CNTN4: variants seen among roughly 807,000 people sequenced by gnomAD.
CNTN4 encodes contactin 4.
CNTN4 carries 77 observed loss-of-function variants against 122.5 expected under a neutral mutation model. The observed-to-expected ratio is 0.63, with a 90% CI of 0.52 to 0.76. The LOEUF is 0.76. CNTN4 is among the 30% of genes least tolerant of loss of function. The probability of loss-of-function intolerance (pLI) is 0.00; values close to 1 mark genes in which losing one functional copy is unlikely to be tolerated. For synonymous variants in CNTN4, 512 were observed against 447.0 expected, an observed-to-expected ratio of 1.15 and a Z score of -1.83; for missense variants, 1,256 against 1,259.1, an observed-to-expected ratio of 1.00 and a Z score of 0.04.
intron 2 of CNTN4, among the ~76,000 whole-genome samples, chr3:2,293,647 T>C (rs1014806): frequency 0.37 from 56,622 of 152,062 alleles, 11,000 homozygotes; most frequent in East Asian, 0.58. Context: ...TTATTATTAC[T>C]AACAGGGTGC....
intron 3 of CNTN4, among the ~76,000 whole-genome samples, chr3:2,510,129 G>A (rs566122846): frequency 6.6e-6 from 1 of 152,192 alleles, no homozygotes; most frequent in African/African-American, 2.4e-5. Flanking sequence ...GCCCCTAAAG[G>A]TAACAAAGAC....
rs71621482 is a variant in CNTN4 at position 2,327,153 on chromosome 3, T to TTG, written c.-144-12011_-144-12010dup. Among the ~76,000 whole-genome samples, 298 of 114,112 alleles carry TTG rather than the reference T, an allele frequency of 2.6e-3. 3 individuals are homozygous for TTG. The highest frequency in any genetic ancestry group is 8.5e-3 in the African/African-American group (281 of 33,126). The allele number at this position is 114,112 out of a possible 152,430, so 74.9% of individuals were successfully genotyped here. A position where few individuals can be genotyped will look rare whatever the true frequency, so the allele number is the denominator to read the frequency against. The stretch of plus-strand genomic sequence containing the variant: ...AATAGATGTGTGTGTGTGTGTGTGT[T>TTG]TGTGTGTGTGTGTGTCTATAAAGTG... On this transcript the variant is annotated intron_variant, in intron 2 of 24. Transcript: ENST00000418658.
Position 3,030,818 on chromosome 3 carries a change from A to T in CNTN4, c.1663-37A>T, listed in dbSNP as rs190249161. 404 of 1,611,228 alleles carry T rather than the reference A, an allele frequency of 2.5e-4. No individual in the cohort carries two copies. In the African/African-American group the frequency reaches 4.0e-3, roughly 16 times the overall value. On this transcript the variant is annotated intron_variant, in intron 15 of 24. Coordinates refer to ENST00000418658, the MANE Select transcript of CNTN4 (RefSeq NM_175607.3). The stretch of plus-strand genomic sequence containing the variant: ...GTGATAATGATATTTAGAGCTCATT[A>T]AAAAGTAATTGCAGCCACTTTCCCC...
chr3:2,550,646 C>T (rs190754276), intron 3 of CNTN4, among the ~76,000 whole-genome samples: 51 of 152,286 alleles, frequency 3.3e-4, no homozygotes, highest in Non-Finnish European at 2.4e-4. Flanking sequence ...AAGACACATC[C>T]ACATGTATGC....
At chr3:2,744,006 C>T (rs529523026) in intron 5 of CNTN4, among the ~76,000 whole-genome samples, 2 of 152,166 alleles carry the variant, frequency 1.3e-5, no homozygotes, top group East Asian at 1.9e-4. Flanking sequence ...GTGGAGGCAG[C>T]GTTGTGCCAT....
chr3:2,473,752 A>T (rs2075760833), intron 3 of CNTN4, among the ~76,000 whole-genome samples: 1 of 151,834 alleles, frequency 6.6e-6, no homozygotes, highest in African/African-American at 2.4e-5. Context: ...GTGGCTCATG[A>T]CTGTAATCCC....
chr3:2,918,742 G>A (rs1012585717), intron 12 of CNTN4, among the ~76,000 whole-genome samples: 2 of 152,186 alleles, frequency 1.3e-5, no homozygotes, highest in Admixed American at 1.3e-4. Flanking sequence ...AGTATAAACA[G>A]CCCATGTGGT....
intron 4 of CNTN4, among the ~76,000 whole-genome samples, chr3:2,623,706 A>G (rs2082076265): frequency 6.6e-6 from 1 of 152,198 alleles, no homozygotes; most frequent in Non-Finnish European, 1.5e-5. Flanking sequence ...GCTTGGATGC[A>G]TCATAGGGCT....
At position 3,057,849 on chromosome 3, in the gene CNTN4, A is replaced by T. The variant is rs183752330; in HGVS notation, c.*1629A>T. The T allele has an allele frequency of 1.3e-5, 2 of 152,772 alleles. No homozygotes were observed. The highest frequency in any genetic ancestry group is 6.5e-5 in the Admixed American group (1 of 15,302). 9.5% of individuals were successfully genotyped at this position (152,772 alleles called of 1,614,324 possible). On this transcript the variant is annotated 3_prime_UTR_variant, in exon 25 of 25. Transcript: ENST00000418658. ...AGCAAAATAATAAAATGAACGAAAA[A>T]AAATGACACCCAGGGAGTTCCCAAC... is the stretch of plus-strand genomic sequence containing the variant.
intron 2 of CNTN4, among the ~76,000 whole-genome samples, chr3:2,126,942 T>G (rs1574891046): frequency 6.6e-6 from 1 of 152,176 alleles, no homozygotes; most frequent in African/African-American, 2.4e-5. Flanking sequence ...AGATGGAGGG[T>G]GGTTCGAAAC....
At chr3:2,324,030 C>G (rs748472527) in intron 2 of CNTN4, among the ~76,000 whole-genome samples, 7 of 152,166 alleles carry the variant, frequency 4.6e-5, no homozygotes, top group African/African-American at 2.4e-5. Flanking sequence ...ATGGGGAGCT[C>G]TCCTGTTCAT....
intron 6 of CNTN4, among the ~76,000 whole-genome samples, chr3:2,800,662 G>A (rs2092325840): frequency 2.0e-5 from 3 of 152,278 alleles, no homozygotes; most frequent in African/African-American, 7.2e-5. Context: ...TCAGAAACCT[G>A]CAGTGGCTTC....
chr3:2,542,271 T>C (rs2078062149), intron 3 of CNTN4, among the ~76,000 whole-genome samples: 1 of 152,144 alleles, frequency 6.6e-6, no homozygotes, highest in African/African-American at 2.4e-5. Context: ...CCTGGATAAA[T>C]AAGAAGCCTG....
chr3:2,484,399 G>A (rs186936844), intron 3 of CNTN4, among the ~76,000 whole-genome samples: 108 of 152,288 alleles, frequency 7.1e-4, no homozygotes, highest in African/African-American at 2.5e-3. Flanking sequence ...GCATGAAGAG[G>A]AACTGCAAAT....
intron 2 of CNTN4, among the ~76,000 whole-genome samples, chr3:2,113,338 C>G (rs1018629753): frequency 3.9e-5 from 6 of 152,124 alleles, no homozygotes; most frequent in African/African-American, 1.4e-4. Context: ...AGTACATGAT[C>G]TATAGTTCAG....
At position 2,916,502 on chromosome 3, in the gene CNTN4, A is replaced by T. The variant is rs576609570; in HGVS notation, c.1208-9127A>T. On this transcript the variant is annotated intron_variant, in intron 12 of 24. Transcript: ENST00000418658. ...TGAGTGGACACAACACATGTTTCAG[A>T]GAGCACGGGGTTGGGGGTAAGGCCA... is the stretch of plus-strand genomic sequence containing the variant. 8.8e-5 allele frequency among the ~76,000 whole-genome samples: 13 copies of T among 147,940 alleles called. No individual in the cohort carries two copies. The East Asian group carries it at 2.6e-3, about 30-fold the overall frequency.
intron 24 of CNTN4, among the ~76,000 whole-genome samples, chr3:3,054,859 G>A (rs780967097): frequency 6.6e-6 from 1 of 152,064 alleles, no homozygotes; most frequent in Non-Finnish European, 1.5e-5. Flanking sequence ...GTATTTTACA[G>A]CAATAAAAAA....
Position 2,178,450 on chromosome 3 carries a change from T to C in CNTN4, c.-145+77811T>C, listed in dbSNP as rs913696304. Among the ~76,000 whole-genome samples the C allele has an allele frequency of 1.1e-4, 16 of 147,758 alleles. No individual in the cohort carries two copies. In the Admixed American group the frequency reaches 1.1e-3, roughly 10 times the overall value. On this transcript the variant is annotated intron_variant, in intron 2 of 24. Coordinates refer to ENST00000418658, the MANE Select transcript of CNTN4 (RefSeq NM_175607.3). ...GATTCATGTTCATGTTACTGTGATT[T>C]AGAAAAAAAAAATTGTAACATCAAA...
intron 4 of CNTN4, among the ~76,000 whole-genome samples, chr3:2,700,191 GT>G (rs1559402080): frequency 1.3e-5 from 2 of 152,112 alleles, no homozygotes; most frequent in African/African-American, 4.8e-5. Context: ...ATACAAAGCC[GT>G]TCTTAGACTA....
Sources: allele counts gnomAD v4.1 joint callset (sites outside exome capture counted in the v4.1 genomes callset), GRCh38; gene constraint gnomAD v4.1.1; transcripts MANE v1.5; gene names NCBI Gene and HGNC (gene_info 2026-07-23, HGNC 2026-07-21).